The following SLC24A2 variants were observed in gnomAD, a reference collection of about 807,000 sequenced individuals.
The protein encoded by SLC24A2 is sodium/potassium/calcium exchanger 2.
In SLC24A2, 36 loss-of-function variants were observed where a neutral mutation model predicts 62.0. The observed-to-expected ratio is 0.58, with a 90% CI of 0.44 to 0.77. The LOEUF is 0.77. SLC24A2 is among the 30% of genes least tolerant of loss of function. The pLI is 0.00. For synonymous variants in SLC24A2, 358 were observed against 294.0 expected (o/e 1.22, Z -2.23); for missense variants, 846 against 817.9 (o/e 1.03, Z -0.42).
At chr9:19,555,227 C>G (rs567694166) in intron 7 of SLC24A2, among the ~76,000 whole-genome samples, 14 of 152,076 alleles carry the variant, frequency 9.2e-5, no homozygotes, top group Non-Finnish European at 1.9e-4. Context: ...CTTTACAGTG[C>G]AAGTTTATCC....
the SLC24A2 span, among the ~76,000 whole-genome samples, chr9:19,875,375 A>C: frequency 6.6e-6 from 1 of 152,212 alleles, no homozygotes; most frequent in Admixed American, 6.5e-5. Flanking sequence ...CTTACTTTTA[A>C]GTAGATAATG....
chr9:19,574,304 T>C lies in SLC24A2; in HGVS notation c.1229-835A>G, dbSNP rs563958596. ...TGTGTCATTCCTGAATCAGAACATT[T>C]AGCTAGAGTAAAGCCAGAGGGTCAG... is the stretch of plus-strand genomic sequence containing the variant. On this transcript the variant is annotated intron_variant, in intron 6 of 10. Coordinates refer to ENST00000341998, the MANE Select transcript of SLC24A2 (RefSeq NM_020344.4). 3.9e-5 allele frequency among the ~76,000 whole-genome samples: 6 copies of C among 152,250 alleles called. No individual in the cohort carries two copies. In the East Asian group the frequency reaches 9.6e-4, roughly 24 times the overall value.
the SLC24A2 span, chr9:19,928,395 G>C: frequency 1.3e-5 from 2 of 152,258 alleles, no homozygotes; most frequent in African/African-American, 4.8e-5. Flanking sequence ...TCTGGGTAGG[G>C]GGTTAAAAGT....
At chr9:20,216,241 T>A in the SLC24A2 span, among the ~76,000 whole-genome samples, 3 of 152,208 alleles carry the variant, frequency 2.0e-5, no homozygotes, top group Admixed American at 6.5e-5. Context: ...AAATGTGTGC[T>A]GCATTAGAGA....
chr9:19,630,969 GTT>G (rs1424271343), intron 2 of SLC24A2, among the ~76,000 whole-genome samples: 1 of 152,130 alleles, frequency 6.6e-6, no homozygotes, highest in African/African-American at 2.4e-5. Context: ...CAGCAAGTTC[GTT>G]TCAAGCACTG....
the SLC24A2 span, among the ~76,000 whole-genome samples, chr9:20,197,413 T>C: frequency 6.7e-6 from 1 of 149,400 alleles, no homozygotes; most frequent in African/African-American, 2.5e-5. Context: ...GGATGATGTA[T>C]TTTCTCTCTC....
chr9:19,948,340 T>C, the SLC24A2 span, among the ~76,000 whole-genome samples: 1 of 152,236 alleles, frequency 6.6e-6, no homozygotes, highest in Non-Finnish European at 1.5e-5. Flanking sequence ...CTAAAGCTGA[T>C]TCAAATCACA....
chr9:19,835,019 A>C, the SLC24A2 span, among the ~76,000 whole-genome samples: 1 of 152,172 alleles, frequency 6.6e-6, no homozygotes, highest in Non-Finnish European at 1.5e-5. Flanking sequence ...ACAGACAAGC[A>C]AATGCTGAGA....
At chr9:19,694,648 A>T (rs904645493) in intron 2 of SLC24A2, among the ~76,000 whole-genome samples, 3 of 152,192 alleles carry the variant, frequency 2.0e-5, no homozygotes, top group East Asian at 1.9e-4. Flanking sequence ...TTTAAAATTC[A>T]CTTTAGGAAT....
intron 2 of SLC24A2, among the ~76,000 whole-genome samples, chr9:19,668,431 T>A (rs1819319570): frequency 6.6e-6 from 1 of 152,192 alleles, no homozygotes; most frequent in Admixed American, 6.6e-5. Context: ...TGGGACCAAT[T>A]TCCTCAAATC....
the SLC24A2 span, among the ~76,000 whole-genome samples, chr9:20,058,820 C>G: frequency 3.9e-5 from 6 of 152,306 alleles, no homozygotes; most frequent in Admixed American, 6.5e-5. Context: ...CAGTTTTCCA[C>G]CCTGATTTCC....
intron 2 of SLC24A2, among the ~76,000 whole-genome samples, chr9:19,733,852 G>A (rs1199726198): frequency 6.6e-6 from 1 of 151,970 alleles, no homozygotes; most frequent in Admixed American, 6.6e-5. Context: ...GAAAACTCCC[G>A]TACTTTTGAA....
the SLC24A2 span, among the ~76,000 whole-genome samples, chr9:20,132,224 C>G: frequency 6.6e-6 from 1 of 151,876 alleles, no homozygotes; most frequent in Non-Finnish European, 1.5e-5. Context: ...TTGGGCTTCA[C>G]CGCGCAGAAG....
chr9:19,657,033 T>G (rs1178540589), intron 2 of SLC24A2, among the ~76,000 whole-genome samples: 2 of 152,182 alleles, frequency 1.3e-5, no homozygotes, highest in Non-Finnish European at 2.9e-5. Context: ...CCCTCTGCAG[T>G]GGCTGAATTA....
At chr9:19,795,843 C>G in the SLC24A2 span, among the ~76,000 whole-genome samples, 4 of 152,014 alleles carry the variant, frequency 2.6e-5, no homozygotes, top group Non-Finnish European at 4.4e-5. Flanking sequence ...CGGCACTATT[C>G]ACAATAGCAA....
intron 2 of SLC24A2, among the ~76,000 whole-genome samples, chr9:19,784,523 G>A (rs953952406): frequency 3.9e-5 from 6 of 152,122 alleles, no homozygotes; most frequent in African/African-American, 1.4e-4. Flanking sequence ...GCATTTCCTT[G>A]ACAATCGTTC....
At chr9:19,952,105 A>C in the SLC24A2 span, among the ~76,000 whole-genome samples, 4 of 152,096 alleles carry the variant, frequency 2.6e-5, no homozygotes, top group Admixed American at 2.0e-4. Flanking sequence ...AGTTGCTTTT[A>C]AATCTTAATT....
chr9:19,961,058 GAGAAAGGAGAAAGAGAGA>G, the SLC24A2 span, among the ~76,000 whole-genome samples: 1 of 150,544 alleles, frequency 6.6e-6, no homozygotes. Context: ...GTGTGAGTGA[GAGAAAGGAGAAAGAGAGA>G]AGAAAGGAGA....
intron 4 of SLC24A2, among the ~76,000 whole-genome samples, chr9:19,606,812 G>A (rs2180939): frequency 0.59 from 89,952 of 152,012 alleles, 27,237 homozygotes; most frequent in East Asian, 0.84. Flanking sequence ...GTTGTGGGTG[G>A]GAGAATTCTT....
Sources: allele counts gnomAD v4.1 joint callset (sites outside exome capture counted in the v4.1 genomes callset), GRCh38; gene constraint gnomAD v4.1.1; transcripts MANE v1.5; gene names NCBI Gene and HGNC (gene_info 2026-07-23, HGNC 2026-07-21).